Variants in LDLRAD3 observed in about 807,000 individuals in gnomAD.
The protein encoded by LDLRAD3 is low density lipoprotein receptor class A domain containing 3.
Under a neutral mutation model 29.4 loss-of-function variants are expected in LDLRAD3, and 20 were observed. That is an observed-to-expected ratio of 0.68 (90% CI 0.48 to 0.99). LDLRAD3 has a LOEUF of 0.99. Ranked by LOEUF, LDLRAD3 falls within the 50% of genes least tolerant of loss-of-function variation. The pLI is 0.00. For missense variants in LDLRAD3, 420 were observed against 454.3 expected, an observed-to-expected ratio of 0.92 and a Z score of 0.69; for synonymous variants, 157 against 192.7, an observed-to-expected ratio of 0.81 and a Z score of 1.53.
rs143100263 is a variant in LDLRAD3, at chr11:36,004,186, A to G, written c.47-31917A>G. 3.9e-4 allele frequency among the ~76,000 whole-genome samples: 59 copies of G among 152,354 alleles called. No individual in the cohort carries two copies. In the East Asian group the frequency reaches 0.01, roughly 26 times the overall value. On this transcript the variant is annotated intron_variant, in intron 1 of 5. Transcript: ENST00000315571. ...GCATTAACTCAGAAGTTCACAGTTC[A>G]AAGTCTTATCTGAGACAAAGTAAAT...
intron 4 of LDLRAD3, among the ~76,000 whole-genome samples, chr11:36,191,576 C>CTCTCTCTCTATATATA (rs377747518): frequency 1.9e-5 from 1 of 53,428 alleles, no homozygotes; most frequent in Admixed American, 2.1e-4. Flanking sequence ...CTCTCTCTCT[C>CTCTCTCTCTATATATA]TATATATATA....
chr11:35,967,689 C>G, intron 1 of LDLRAD3: 3 of 470,198 alleles, frequency 6.4e-6, no homozygotes, highest in Non-Finnish European at 1.3e-5. Flanking sequence ...GGTTTCATGT[C>G]CGGGTGCACC....
chr11:36,225,565 T>C lies in LDLRAD3; in HGVS notation c.455-1520T>C, dbSNP rs552812793. Among the ~76,000 whole-genome samples, 142 of 152,192 alleles carry C rather than the reference T, an allele frequency of 9.3e-4. 1 individual carries two copies. Among genetic ancestry groups the C allele is most frequent in the African/African-American group, 3.4e-3 (140 of 41,540 alleles). On this transcript the variant is annotated intron_variant, in intron 4 of 5. Coordinates refer to ENST00000315571, the MANE Select transcript of LDLRAD3 (RefSeq NM_174902.4). The stretch of plus-strand genomic sequence containing the variant: ...AAGTGCCTGCAGATTGCCTGGCAGG[T>C]CTTATTCGGGTGATGTAGAGCAGAA...
chr11:36,102,516 G>A (rs1853464580), intron 4 of LDLRAD3, among the ~76,000 whole-genome samples: 1 of 152,086 alleles, frequency 6.6e-6, no homozygotes, highest in Non-Finnish European at 1.5e-5. Flanking sequence ...CTCCTTATCT[G>A]GGATTTAGTT....
chr11:36,057,850 C>T lies in LDLRAD3; in HGVS notation c.193+21601C>T, dbSNP rs1383639063. On this transcript the variant is annotated intron_variant, in intron 2 of 5. Transcript: ENST00000315571. The stretch of plus-strand genomic sequence containing the variant: ...TTTGCGTCACCATTTCCTTGCTTAA[C>T]GTGGACTCTGGAGCCAGCTGGTCTG... 3.9e-5 allele frequency among the ~76,000 whole-genome samples: 6 copies of T among 152,204 alleles called. No homozygotes were observed. The South Asian group carries it at 6.2e-4, about 16-fold the overall frequency.
chr11:36,002,725 T>A (rs1851839750), intron 1 of LDLRAD3, among the ~76,000 whole-genome samples: 1 of 152,176 alleles, frequency 6.6e-6, no homozygotes, highest in South Asian at 2.1e-4. Context: ...ATAAATAGCT[T>A]GCAAAAATGA....
chr11:36,014,131 T>A (rs1851991154), intron 1 of LDLRAD3, among the ~76,000 whole-genome samples: 1 of 152,216 alleles, frequency 6.6e-6, no homozygotes. Context: ...CTCCCTGTTC[T>A]TGGAGGCTGA....
chr11:36,217,889 C>G (rs1855373790), intron 4 of LDLRAD3, among the ~76,000 whole-genome samples: 1 of 152,206 alleles, frequency 6.6e-6, no homozygotes, highest in African/African-American at 2.4e-5. Context: ...TAAAGACACT[C>G]ATCATTGGAT....
intron 4 of LDLRAD3, among the ~76,000 whole-genome samples, chr11:36,215,988 C>T (rs560409576): frequency 1.3e-5 from 2 of 152,324 alleles, no homozygotes; most frequent in South Asian, 4.1e-4. Context: ...CCTGCATGCT[C>T]AGTTCTTGAC....
intron 4 of LDLRAD3, chr11:36,197,536 T>C (rs1477523992): frequency 6.6e-6 from 1 of 152,238 alleles, no homozygotes; most frequent in Non-Finnish European, 1.5e-5. Context: ...ACGAAGTCCT[T>C]GGGGTCTGAC....
chr11:36,207,958 A>G (rs1446951816), intron 4 of LDLRAD3, among the ~76,000 whole-genome samples: 1 of 151,784 alleles, frequency 6.6e-6, no homozygotes, highest in Non-Finnish European at 1.5e-5. Context: ...AAAGATTATA[A>G]TAGAAAAGTT....
At chr11:35,975,912 G>C (rs181991485) in intron 1 of LDLRAD3, among the ~76,000 whole-genome samples, 7 of 151,660 alleles carry the variant, frequency 4.6e-5, no homozygotes, top group Non-Finnish European at 1.0e-4. Flanking sequence ...TGGTGGTAGA[G>C]ACTTCTGAGA....
chr11:36,001,036 T>C (rs1049968776), intron 1 of LDLRAD3: 2 of 152,152 alleles, frequency 1.3e-5, no homozygotes, highest in African/African-American at 4.8e-5. Context: ...GGTTTACCCA[T>C]ACCTTGAGGG....
intron 4 of LDLRAD3, among the ~76,000 whole-genome samples, chr11:36,207,437 A>C (rs1252126923): frequency 2.0e-5 from 3 of 152,162 alleles, no homozygotes; most frequent in African/African-American, 7.2e-5. Flanking sequence ...TTTGGGAAAC[A>C]GAGGGAGTTC....
intron 1 of LDLRAD3, among the ~76,000 whole-genome samples, chr11:35,994,514 A>G (rs1851729106): frequency 1.3e-5 from 2 of 152,250 alleles, no homozygotes; most frequent in Admixed American, 1.3e-4. Context: ...TTGTTGGTAT[A>G]GGATCTTGCC....
At chr11:36,073,956 C>T (rs1032434804) in intron 2 of LDLRAD3, among the ~76,000 whole-genome samples, 1 of 152,200 alleles carries the variant, frequency 6.6e-6, no homozygotes, top group African/African-American at 2.4e-5. Context: ...TGTCAAGTTA[C>T]TTCACTTCTG....
At chr11:36,022,733 C>T (rs920398261) in intron 1 of LDLRAD3, among the ~76,000 whole-genome samples, 12 of 152,154 alleles carry the variant, frequency 7.9e-5, no homozygotes, top group Admixed American at 1.3e-4. Flanking sequence ...AAACTTGCTT[C>T]GTTTTCTGGA....
chr11:36,101,094 G>A (rs1262936958), intron 4 of LDLRAD3, among the ~76,000 whole-genome samples: 1 of 152,102 alleles, frequency 6.6e-6, no homozygotes, highest in East Asian at 1.9e-4. Context: ...TCTCAGCTTT[G>A]TGCCTTCCTT....
chr11:35,994,187 G>A (rs1028493366), intron 1 of LDLRAD3, among the ~76,000 whole-genome samples: 2 of 151,782 alleles, frequency 1.3e-5, no homozygotes, highest in Non-Finnish European at 2.9e-5. Flanking sequence ...AATAAAGTGA[G>A]TCACATGAAC....
Sources: allele counts gnomAD v4.1 joint callset (sites outside exome capture counted in the v4.1 genomes callset), GRCh38; gene constraint gnomAD v4.1.1; transcripts MANE v1.5; gene names NCBI Gene and HGNC (gene_info 2026-07-23, HGNC 2026-07-21).